The following COL5A2 variants were observed in gnomAD, a reference collection of about 807,000 sequenced individuals.
COL5A2 encodes collagen type V alpha 2 chain.
A neutral mutation model predicts 208.2 loss-of-function variants in COL5A2; 23 were observed. That is an observed-to-expected ratio of 0.11 (90% confidence interval 0.08 to 0.16). The LOEUF (loss-of-function observed/expected upper bound fraction) is 0.16, where lower values mean the gene tolerates loss of function less well. COL5A2 is among the 10% of genes least tolerant of loss of function. The pLI, the probability that COL5A2 is intolerant of heterozygous loss-of-function variation, is 1.00. For missense variants in COL5A2, 1,590 were observed against 1,956.4 expected, an observed-to-expected ratio of 0.81 and a Z score of 3.53; for synonymous variants, 625 against 628.5, an observed-to-expected ratio of 0.99 and a Z score of 0.08.
chr2:189,420,835 G>A, the COL5A2 span, among the ~76,000 whole-genome samples: 2 of 151,808 alleles, frequency 1.3e-5, no homozygotes, highest in South Asian at 2.1e-4. Context: ...TCTTGTCCTC[G>A]CCACCTTTCA....
chr2:189,374,427 A>G, the COL5A2 span, among the ~76,000 whole-genome samples: 1 of 152,102 alleles, frequency 6.6e-6, no homozygotes, highest in Non-Finnish European at 1.5e-5. Context: ...CACGGCCTCA[A>G]AATAATTTTA....
chr2:189,319,678 TG>T, the COL5A2 span, among the ~76,000 whole-genome samples: 1 of 152,256 alleles, frequency 6.6e-6, no homozygotes, highest in Non-Finnish European at 1.5e-5. Flanking sequence ...AAGCTTGAAC[TG>T]GGTGGAGCCC....
chr2:189,374,587 T>C, the COL5A2 span, among the ~76,000 whole-genome samples: 24 of 152,304 alleles, frequency 1.6e-4, 2 homozygotes, highest in East Asian at 3.7e-3. Flanking sequence ...GTATTATATA[T>C]GGGGCACAAA....
the COL5A2 span, among the ~76,000 whole-genome samples, chr2:189,298,174 G>A: frequency 2.5e-4 from 38 of 152,284 alleles, no homozygotes; most frequent in South Asian, 2.5e-3. Flanking sequence ...TGAGGGTAGG[G>A]AAAATGGAGA....
chr2:189,395,605 CT>C, the COL5A2 span, among the ~76,000 whole-genome samples: 5 of 151,962 alleles, frequency 3.3e-5, no homozygotes, highest in African/African-American at 1.2e-4. Context: ...AAAAGCCATT[CT>C]TAAGAAGCTC....
intron 35 of COL5A2, among the ~76,000 whole-genome samples, chr2:189,056,084 T>A (rs1181106409): frequency 6.6e-6 from 1 of 152,222 alleles, no homozygotes; most frequent in Non-Finnish European, 1.5e-5. Flanking sequence ...ACCCTTAAGA[T>A]GAAAATTTTC....
At position 189,092,423 on chromosome 2, in the gene COL5A2, G is replaced by A. The variant is rs752388548; in HGVS notation, c.457-3C>T. The A allele has an allele frequency of 6.4e-7, 1 of 1,574,774 alleles. No homozygotes were observed. The highest frequency in any genetic ancestry group is 1.2e-5 in the South Asian group (1 of 86,718). Reference sequence around the variant, plus strand: ...ATTCCCTGAGGTCCACGAGGGCCCTGGAAAACAAGCCAGTTAAAATTAGAA... The same window carrying A: ...ATTCCCTGAGGTCCACGAGGGCCCTAGAAAACAAGCCAGTTAAAATTAGAA... On this transcript the variant is annotated splice_polypyrimidine_tract_variant and splice_region_variant and intron_variant, in intron 6 of 53. Coordinates refer to ENST00000374866, the MANE Select transcript of COL5A2 (RefSeq NM_000393.5).
intron 18 of COL5A2, 70 bp downstream of exon 18, chr2:189,071,970 G>T: frequency 3.9e-6 from 4 of 1,031,022 alleles, no homozygotes; most frequent in Non-Finnish European, 5.9e-6. Context: ...TTAATTAAAT[G>T]TCATTCTTCA....
chr2:189,331,105 T>C, the COL5A2 span, among the ~76,000 whole-genome samples: 1 of 151,934 alleles, frequency 6.6e-6, no homozygotes, highest in Non-Finnish European at 1.5e-5. Context: ...ATGTTAAAAA[T>C]AGAAAAAGAA....
At chr2:189,270,200 AT>A in the COL5A2 span, among the ~76,000 whole-genome samples, 2 of 151,824 alleles carry the variant, frequency 1.3e-5, no homozygotes, top group African/African-American at 4.8e-5. Flanking sequence ...GGATTCATTG[AT>A]TTTTTTGAAG....
chr2:189,371,041 T>C, the COL5A2 span, among the ~76,000 whole-genome samples: 1 of 152,000 alleles, frequency 6.6e-6, no homozygotes, highest in African/African-American at 2.4e-5. Context: ...GATAAGTGAG[T>C]TCTCCCTCGA....
chr2:189,063,953 T>G (rs1209889758), intron 26 of COL5A2, 27 bp downstream of exon 26: 2 of 1,584,472 alleles, frequency 1.3e-6, no homozygotes, highest in African/African-American at 1.3e-5. Flanking sequence ...ATATTAGTGG[T>G]TGTGGACTTC....
rs1439590185 is a variant in COL5A2 at position 189,051,423 on chromosome 2, A to G, written c.2828T>C (p.Leu943Pro). ...GEPGKEGPPG[L>P]RGDPGSHGRV... ...CCCATGAGAGCCAGGGTCCCCACGAAGACCTGGAGGTCCCTCCTTCCCGGG... is the reference window on the plus strand; with the variant it reads ...CCCATGAGAGCCAGGGTCCCCACGAGGACCTGGAGGTCCCTCCTTCCCGGG... Residue 943 changes from leucine to proline, a missense_variant, in exon 42 of 54, where the codon CTT becomes CCT. Physicochemically the swap from Leu to Pro is moderately conservative, Grantham distance 98. Coordinates refer to ENST00000374866, the MANE Select transcript of COL5A2 (RefSeq NM_000393.5). The G allele has an allele frequency of 6.2e-7, 1 of 1,613,788 alleles. No individual in the cohort carries two copies. Among genetic ancestry groups the G allele is most frequent in the Non-Finnish European group, 8.5e-7 (1 of 1,179,784 alleles).
intron 1 of COL5A2, among the ~76,000 whole-genome samples, chr2:189,203,544 A>G (rs915049231): frequency 2.0e-5 from 3 of 152,370 alleles, no homozygotes; most frequent in South Asian, 4.1e-4. Context: ...ATTTTTTTAC[A>G]GAATCTGTCA....
chr2:189,177,906 T>C (rs1290008557), intron 1 of COL5A2, among the ~76,000 whole-genome samples: 1 of 152,226 alleles, frequency 6.6e-6, no homozygotes, highest in Non-Finnish European at 1.5e-5. Flanking sequence ...TTAAAGTACT[T>C]TATTCATTTT....
the COL5A2 span, among the ~76,000 whole-genome samples, chr2:189,352,882 G>C: frequency 6.6e-6 from 1 of 152,154 alleles, no homozygotes; most frequent in African/African-American, 2.4e-5. Context: ...GTTCTGAATG[G>C]CACTGCCTAG....
intron 4 of COL5A2, among the ~76,000 whole-genome samples, chr2:189,099,561 G>T (rs571675861): frequency 9.9e-5 from 15 of 152,236 alleles, no homozygotes; most frequent in Non-Finnish European, 1.6e-4. Flanking sequence ...GGAGGTGGAG[G>T]TTGCAGTGAA....
chr2:189,034,252 A>G (rs556961386), intron 53 of COL5A2, 36 bp from the exon 54 acceptor site: 2 of 1,612,870 alleles, frequency 1.2e-6, no homozygotes, highest in South Asian at 2.2e-5. Context: ...AAATGTACAT[A>G]CAATTTTTTC....
chr2:189,067,198 C>T (rs1017205462), intron 21 of COL5A2, among the ~76,000 whole-genome samples: 2 of 152,004 alleles, frequency 1.3e-5, no homozygotes, highest in African/African-American at 4.8e-5. Flanking sequence ...TATATTTATG[C>T]CGTATTTATT....
Sources: gnomAD v4.1 joint callset for allele counts (sites outside exome capture counted in the v4.1 genomes callset) on GRCh38, gnomAD v4.1.1 for gene constraint, MANE v1.5 for transcripts, NCBI Gene and HGNC (gene_info 2026-07-23, HGNC 2026-07-21) for gene names.